GAD1: variants seen among roughly 807,000 people sequenced by gnomAD.
The protein encoded by GAD1 is 67 kDa glutamic acid decarboxylase.
In GAD1, 35 loss-of-function variants were observed where a neutral mutation model predicts 75.2. The observed-to-expected ratio is 0.47, with a 90% CI of 0.36 to 0.62. The LOEUF is 0.62. Ranked by LOEUF, GAD1 falls within the 20% of genes least tolerant of loss-of-function variation. GAD1 has a pLI of 0.00. For synonymous variants in GAD1, 257 were observed against 271.9 expected, an observed-to-expected ratio of 0.95 and a Z score of 0.54; for missense variants, 490 against 758.5, an observed-to-expected ratio of 0.65 and a Z score of 4.16.
intron 14 of GAD1, among the ~76,000 whole-genome samples, chr2:170,855,108 A>T (rs1210471953): frequency 6.6e-6 from 1 of 151,386 alleles, no homozygotes; most frequent in Non-Finnish European, 1.5e-5. Flanking sequence ...TCTAACTAAC[A>T]CTCAAACAAC....
upstream of GAD1, among the ~76,000 whole-genome samples, chr2:170,813,835 G>C (rs2105740730): frequency 6.6e-6 from 1 of 152,304 alleles, no homozygotes; most frequent in Non-Finnish European, 1.5e-5. Flanking sequence ...CGTTATCCTC[G>C]GCAGACAGGG....
chr2:170,825,163 A>G lies in GAD1; in HGVS notation c.145+3014A>G, dbSNP rs557663600. ...CACTTTGGGAGGCCAAGGTGGTAGG[A>G]TCATTTGAGGCCAGGAGTTTGAGAC... On this transcript the variant is annotated intron_variant, in intron 3 of 16. Transcript: ENST00000358196. Among the ~76,000 whole-genome samples the G allele has an allele frequency of 1.4e-3, 216 of 152,220 alleles. 1 individual carries two copies. Among genetic ancestry groups the G allele is most frequent in the African/African-American group, 4.9e-3 (203 of 41,534 alleles).
chr2:170,832,653 C>T lies in GAD1; in HGVS notation c.547+1461C>T, dbSNP rs1007814129. On this transcript the variant is annotated intron_variant, in intron 5 of 16. Transcript: ENST00000358196. ...GGCCAAAAAGACACAGGCACACATG[C>T]GCGCGCGCGCGCACACACACACACA... 5.2e-4 allele frequency among the ~76,000 whole-genome samples: 65 copies of T among 125,468 alleles called. 2 individuals are homozygous for T. The highest frequency in any genetic ancestry group is 2.1e-3 in the East Asian group (10 of 4,660). 82.3% of individuals were successfully genotyped at this position (125,468 alleles called of 152,430 possible).
At chr2:170,829,237 T>A (rs1333890037) in intron 3 of GAD1, 3 of 561,732 alleles carry the variant, frequency 5.3e-6, no homozygotes, top group Non-Finnish European at 9.6e-6. Flanking sequence ...AGAACGGGCT[T>A]CACTTACTGT....
rs1702169192 is a variant in GAD1 at position 170,829,590 on chromosome 2, C to T, written c.261C>T (p.Arg87=). 1 of 1,613,822 alleles carries T rather than the reference C, an allele frequency of 6.2e-7. No individual in the cohort carries two copies. The highest frequency in any genetic ancestry group is 1.7e-5 in the Admixed American group (1 of 60,030). ...GTGAAAACAGCGACCGGGATGCCCG[C>T]TTCCGGCGCACAGAGACTGACTTCT... is the stretch of plus-strand genomic sequence containing the variant. ...LSCENSDRDA[R]FRRTETDFSN... The change falls in exon 4 of 17, where the codon CGC becomes CGT. Residue 87 remains arginine (R), a synonymous_variant. Transcript: ENST00000358196.
chr2:170,845,463 T>C (rs1421102315), intron 7 of GAD1, 43 bp from the exon 8 acceptor site: 2 of 1,551,690 alleles, frequency 1.3e-6, no homozygotes, highest in South Asian at 2.2e-5. Flanking sequence ...GAAACAATAA[T>C]CAAAGAGCCC....
chr2:170,838,614 C>T (rs1007385633), intron 6 of GAD1, among the ~76,000 whole-genome samples: 1 of 152,162 alleles, frequency 6.6e-6, no homozygotes, highest in African/African-American at 2.4e-5. Flanking sequence ...CACTCAGCTG[C>T]TTTTTCCATG....
At chr2:170,827,456 G>C (rs114113488) in intron 3 of GAD1, among the ~76,000 whole-genome samples, 1 of 152,266 alleles carries the variant, frequency 6.6e-6, no homozygotes, top group African/African-American at 2.4e-5. Context: ...AAGAGCAGAC[G>C]TGCGGGCCAG....
Position 170,844,129 on chromosome 2 carries a change from T to G in GAD1, c.723T>G (p.Ser241Arg). 6.2e-7 allele frequency: 1 copy of G among 1,603,118 alleles called. No homozygotes were observed. Residue 241 changes from serine to arginine, a missense_variant, in exon 7 of 17, where the codon AGT (serine) becomes AGG (arginine). Transcript: ENST00000358196. ...TGAGAGAGATAGTTGGATGGTCAAGTAAAGATGGTGATGGGATATTTTCTC... is the reference window on the plus strand; with the variant it reads ...TGAGAGAGATAGTTGGATGGTCAAGGAAAGATGGTGATGGGATATTTTCTC... ...KKMREIVGWS[S>R]KDGDGIFSPG... is the part of the protein sequence containing the mutation.
chr2:170,843,100 G>T (rs1343853890), intron 6 of GAD1, among the ~76,000 whole-genome samples: 1 of 152,180 alleles, frequency 6.6e-6, no homozygotes, highest in Non-Finnish European at 1.5e-5. Context: ...AAGACAAAAA[G>T]CCTCAGAGCT....
chr2:170,853,669 CAG>C lies in GAD1; in HGVS notation c.1264-199_1264-198del. 4 of 572,316 alleles carry C rather than the reference CAG, an allele frequency of 7.0e-6. No individual in the cohort carries two copies. The highest frequency in any genetic ancestry group is 1.3e-5 in the Non-Finnish European group (4 of 316,316). 35.5% of individuals were successfully genotyped at this position (572,316 alleles called of 1,614,324 possible). On this transcript the variant is annotated intron_variant, in intron 13 of 16. Transcript: ENST00000358196. This position sits in a 1 kb window ranked among gnomAD's most constrained non-coding sequence, Gnocchi z 4.1. ...TGAGACGGAAAGATCATCTTCTAAT[CAG>C]AGAGTCAGAGACAAAAGGGATGGCA...
At chr2:170,837,468 A>G (rs1306954272) in intron 6 of GAD1, among the ~76,000 whole-genome samples, 1 of 152,240 alleles carries the variant, frequency 6.6e-6, no homozygotes, top group Admixed American at 6.5e-5. Context: ...TTTACACAAA[A>G]CTGACTCTGA....
upstream of GAD1, among the ~76,000 whole-genome samples, chr2:170,815,097 T>C (rs1248680611): frequency 6.6e-6 from 1 of 152,062 alleles, no homozygotes; most frequent in Non-Finnish European, 1.5e-5. Context: ...TGCGAGCGTC[T>C]CGTTTAGGGA....
At chr2:170,827,512 G>A (rs991765139) in intron 3 of GAD1, among the ~76,000 whole-genome samples, 57 of 152,230 alleles carry the variant, frequency 3.7e-4, no homozygotes, top group Non-Finnish European at 8.8e-5. Context: ...TGTGCTCCAC[G>A]CTGGCAGGTT....
At chr2:170,828,316 AC>A (rs1295503605) in intron 3 of GAD1, among the ~76,000 whole-genome samples, 2 of 61,428 alleles carry the variant, frequency 3.3e-5, no homozygotes, top group African/African-American at 6.6e-5. Context: ...TGCTGTCCTC[AC>A]CCTCTTCCCT....
At chr2:170,813,754 G>C (rs1701650305), upstream of GAD1, among the ~76,000 whole-genome samples, 1 of 152,192 alleles carries the variant, frequency 6.6e-6, no homozygotes, top group Non-Finnish European at 1.5e-5. Context: ...CCCACGACGG[G>C]GAAAGGAATA....
chr2:170,853,121 C>A lies in GAD1; in HGVS notation c.1263+329C>A, dbSNP rs568104261. 27 of 401,808 alleles carry A rather than the reference C, an allele frequency of 6.7e-5. No homozygotes were observed. In the Admixed American group the frequency reaches 7.3e-4, roughly 11 times the overall value. 24.9% of individuals were successfully genotyped at this position (401,808 alleles called of 1,614,324 possible). A position where few individuals can be genotyped will look rare whatever the true frequency, so the allele number is the denominator to read the frequency against. On this transcript the variant is annotated intron_variant, in intron 13 of 16. Coordinates refer to ENST00000358196, the MANE Select transcript of GAD1 (RefSeq NM_000817.3). This position sits in a 1 kb window ranked among gnomAD's most constrained non-coding sequence, Gnocchi z 4.1. ...TGAGGCATCCAATCAGTTTTGTCCT[C>A]AGTGAGGACAAAAGCACTCACTGGA... is the stretch of plus-strand genomic sequence containing the variant.
chr2:170,820,383 A>G (rs144156083), intron 2 of GAD1, among the ~76,000 whole-genome samples: 30 of 152,360 alleles, frequency 2.0e-4, no homozygotes, highest in African/African-American at 7.2e-4. Flanking sequence ...GCTGTAAAAC[A>G]GCAAGCAGCA....
At chr2:170,838,577 G>A (rs1379512076) in intron 6 of GAD1, among the ~76,000 whole-genome samples, 1 of 152,182 alleles carries the variant, frequency 6.6e-6, no homozygotes, top group African/African-American at 2.4e-5. Context: ...AATTTACTCA[G>A]CACCTTTAAG....
Sources: allele counts gnomAD v4.1 joint callset (sites outside exome capture counted in the v4.1 genomes callset), GRCh38; gene constraint gnomAD v4.1.1; non-coding constraint Gnocchi (gnomAD v3.1); transcripts MANE v1.5; gene names NCBI Gene and HGNC (gene_info 2026-07-23, HGNC 2026-07-21).